The following PLCXD3 variants were observed in gnomAD, a reference collection of about 807,000 sequenced individuals.
PLCXD3 encodes the protein PI-PLC X domain-containing protein 3.
A neutral mutation model predicts 25.5 loss-of-function variants in PLCXD3; 19 were observed. The ratio of observed to expected loss-of-function variants is 0.75; its 90% CI spans 0.52 to 1.09. PLCXD3 has a LOEUF of 1.09. Among genes scored for constraint, PLCXD3 ranks in the 50% least tolerant of loss-of-function variants. The probability of loss-of-function intolerance (pLI) is 0.00; values close to 1 mark genes in which losing one functional copy is unlikely to be tolerated. For synonymous variants in PLCXD3, 174 were observed against 137.6 expected, an observed-to-expected ratio of 1.26 and a Z score of -1.85; for missense variants, 411 against 388.1, an observed-to-expected ratio of 1.06 and a Z score of -0.50.
At chr5:41,323,407 A>C (rs1379314094) in intron 2 of PLCXD3, among the ~76,000 whole-genome samples, 1 of 152,238 alleles carries the variant, frequency 6.6e-6, no homozygotes, top group Non-Finnish European at 1.5e-5. Flanking sequence ...GCTTGAGGGA[A>C]GGGATACCCC....
chr5:41,422,868 A>G (rs1488618087), intron 1 of PLCXD3, among the ~76,000 whole-genome samples: 1 of 152,174 alleles, frequency 6.6e-6, no homozygotes, highest in East Asian at 1.9e-4. Flanking sequence ...TAATAAAAAC[A>G]GGCATCTTTG....
At chr5:41,343,739 G>C (rs1486668569) in intron 2 of PLCXD3, among the ~76,000 whole-genome samples, 1 of 152,110 alleles carries the variant, frequency 6.6e-6, no homozygotes, top group African/African-American at 2.4e-5. Context: ...GGAGAATTCT[G>C]ACATTTTTTC....
chr5:41,325,084 G>A (rs893598776), intron 2 of PLCXD3, among the ~76,000 whole-genome samples: 6 of 152,222 alleles, frequency 3.9e-5, no homozygotes, highest in Non-Finnish European at 7.4e-5. Context: ...TTATCCCCAC[G>A]GAGAGGTTAG....
chr5:41,453,993 T>C (rs930736403), intron 1 of PLCXD3, among the ~76,000 whole-genome samples: 1 of 151,844 alleles, frequency 6.6e-6, no homozygotes, highest in African/African-American at 2.4e-5. Context: ...AAGAGAAAAA[T>C]ACCTTTTTTT....
intron 1 of PLCXD3, among the ~76,000 whole-genome samples, chr5:41,471,900 CCCTTCCCTTCCCTTCCCT>C (rs1352219203): frequency 1.3e-4 from 2 of 14,830 alleles, no homozygotes; most frequent in African/African-American, 5.6e-4. Context: ...CCCCTCCCTT[CCCTTCCCTTCCCTTCCCT>C]TCCCTTCCCC....
chr5:41,466,013 A>C (rs1285610640), intron 1 of PLCXD3, among the ~76,000 whole-genome samples: 2 of 152,064 alleles, frequency 1.3e-5, no homozygotes, highest in African/African-American at 4.8e-5. Context: ...AAACACAAAG[A>C]GAAACACATT....
chr5:41,473,581 T>C (rs1420639562), intron 1 of PLCXD3, among the ~76,000 whole-genome samples: 1 of 152,096 alleles, frequency 6.6e-6, no homozygotes, highest in African/African-American at 2.4e-5. Context: ...TACCTGGGAC[T>C]AGCTGGGACT....
intron 2 of PLCXD3, among the ~76,000 whole-genome samples, chr5:41,380,983 T>C (rs1272848064): frequency 1.3e-5 from 2 of 152,148 alleles, no homozygotes; most frequent in African/African-American, 2.4e-5. Context: ...AGGGTAACCA[T>C]TCCTTATAAG....
intron 1 of PLCXD3, among the ~76,000 whole-genome samples, chr5:41,480,653 G>A (rs748077703): frequency 1.3e-5 from 2 of 152,036 alleles, no homozygotes; most frequent in Non-Finnish European, 2.9e-5. Context: ...AGGAGCAGTG[G>A]CTCACTCCTG....
chr5:41,315,762 A>C lies in PLCXD3; in HGVS notation c.813-1992T>G, dbSNP rs191060308. On this transcript the variant is annotated intron_variant, in intron 2 of 2. Coordinates refer to ENST00000377801, the MANE Select transcript of PLCXD3 (RefSeq NM_001005473.3). ...GCTCTGGGCAAGGGAGAATACAGTAATTGTGAGGCATTAAACTCAGTGCTG... is the reference window on the plus strand; with the variant it reads ...GCTCTGGGCAAGGGAGAATACAGTACTTGTGAGGCATTAAACTCAGTGCTG... Among the ~76,000 whole-genome samples, 7 of 152,306 alleles carry C rather than the reference A, an allele frequency of 4.6e-5. No individual in the cohort carries two copies. The East Asian group carries it at 1.4e-3, about 29-fold the overall frequency.
intron 2 of PLCXD3, among the ~76,000 whole-genome samples, chr5:41,331,500 G>C (rs1438843923): frequency 6.6e-6 from 1 of 152,146 alleles, no homozygotes; most frequent in African/African-American, 2.4e-5. Flanking sequence ...TCAATATCGT[G>C]AAAATGGCCA....
chr5:41,447,583 C>G (rs1350477522), intron 1 of PLCXD3, among the ~76,000 whole-genome samples: 3 of 152,196 alleles, frequency 2.0e-5, no homozygotes, highest in Non-Finnish European at 4.4e-5. Flanking sequence ...CCATGGAGTA[C>G]AGGCACCTTG....
intron 2 of PLCXD3, among the ~76,000 whole-genome samples, chr5:41,317,717 T>A (rs1822820): frequency 1.3e-5 from 2 of 151,490 alleles, no homozygotes; most frequent in African/African-American, 4.9e-5. Context: ...CTGAAAAATG[T>A]AATTGGTATA....
rs558063039 is a variant in PLCXD3, at chr5:41,338,261, A to T, written c.813-24491T>A. On this transcript the variant is annotated intron_variant, in intron 2 of 2. Transcript: ENST00000377801. Reference sequence around the variant, plus strand: ...TAAAACAAAAGGTTTTCTTGGCCACATAAGTGTAGGGAATGTTGAAGCCTC... The same window carrying T: ...TAAAACAAAAGGTTTTCTTGGCCACTTAAGTGTAGGGAATGTTGAAGCCTC... Among the ~76,000 whole-genome samples, 30 of 152,324 alleles carry T rather than the reference A, an allele frequency of 2.0e-4. No individual in the cohort carries two copies. The East Asian group carries it at 5.6e-3, about 28-fold the overall frequency.
rs78362058 is a variant in PLCXD3, at chr5:41,448,206, A to G, written c.103+62218T>C. Among the ~76,000 whole-genome samples, 97 of 152,186 alleles carry G rather than the reference A, an allele frequency of 6.4e-4. No individual in the cohort carries two copies. In the East Asian group the frequency reaches 0.011, roughly 17 times the overall value. On this transcript the variant is annotated intron_variant, in intron 1 of 2. Transcript: ENST00000377801. Reference sequence around the variant, plus strand: ...TGCTCTTGACTGGGACCTGAACCCCACCTCTCCCATCATTCCTGGATCCTG... The same window carrying G: ...TGCTCTTGACTGGGACCTGAACCCCGCCTCTCCCATCATTCCTGGATCCTG...
chr5:41,385,183 C>G (rs192694810), intron 1 of PLCXD3, among the ~76,000 whole-genome samples: 1 of 152,064 alleles, frequency 6.6e-6, no homozygotes, highest in African/African-American at 2.4e-5. Context: ...AAAAGCCTAA[C>G]CTCGTGTCTT....
chr5:41,459,369 C>G (rs575240663), intron 1 of PLCXD3, among the ~76,000 whole-genome samples: 1 of 151,866 alleles, frequency 6.6e-6, no homozygotes, highest in East Asian at 1.9e-4. Context: ...TGCTTAAAAG[C>G]CCTTCAATTA....
chr5:41,400,440 T>C (rs1237675894), intron 1 of PLCXD3, among the ~76,000 whole-genome samples: 1 of 152,106 alleles, frequency 6.6e-6, no homozygotes. Flanking sequence ...GCAACCTATG[T>C]GTCCATCAAC....
chr5:41,414,100 G>A lies in PLCXD3; in HGVS notation c.104-31566C>T, dbSNP rs79844857. On this transcript the variant is annotated intron_variant, in intron 1 of 2. Coordinates refer to ENST00000377801, the MANE Select transcript of PLCXD3 (RefSeq NM_001005473.3). ...CACATAAAGCTAAGACCCACATGCT[G>A]TACTATACTATAGCCCAGTGAAACT... Among the ~76,000 whole-genome samples, 603 of 152,218 alleles carry A rather than the reference G, an allele frequency of 4.0e-3. 5 individuals carry two copies. The highest frequency in any genetic ancestry group is 0.014 in the African/African-American group (583 of 41,536).
Sources: gnomAD v4.1 joint callset for allele counts (sites outside exome capture counted in the v4.1 genomes callset) on GRCh38, gnomAD v4.1.1 for gene constraint, MANE v1.5 for transcripts, NCBI Gene and HGNC (gene_info 2026-07-23, HGNC 2026-07-21) for gene names.